Variants in FKTN observed in about 807,000 individuals in gnomAD.
FKTN encodes ribitol-5-phosphate transferase FKTN.
A neutral mutation model predicts 58.6 loss-of-function variants in FKTN; 47 were observed. That is an observed-to-expected ratio of 0.80 (90% CI 0.63 to 1.02). The LOEUF is 1.02. Among genes scored for constraint, FKTN ranks in the 50% least tolerant of loss-of-function variants. The probability of loss-of-function intolerance (pLI) is 0.00; values close to 1 mark genes in which losing one functional copy is unlikely to be tolerated. For missense variants in FKTN, 516 were observed against 537.3 expected (o/e 0.96, Z 0.39); for synonymous variants, 178 against 191.9 (o/e 0.93, Z 0.60).
rs577340909 is a variant in FKTN at position 105,581,770 on chromosome 9, C to T, written c.105+6633C>T. On this transcript the variant is annotated intron_variant, in intron 3 of 10. Transcript: ENST00000357998. ...GGCGGGCGCCCCTCCCCCAGCCTCGCTGCCGCCTTGCAGTTTGATCTCAGA... is the reference window on the plus strand; with the variant it reads ...GGCGGGCGCCCCTCCCCCAGCCTCGTTGCCGCCTTGCAGTTTGATCTCAGA... Among the ~76,000 whole-genome samples the T allele has an allele frequency of 4.3e-3, 649 of 152,246 alleles. 7 individuals are homozygous for T. The highest frequency in any genetic ancestry group is 0.013 in the African/African-American group (540 of 41,574).
intron 4 of FKTN, among the ~76,000 whole-genome samples, chr9:105,597,906 G>A (rs1217211756): frequency 6.6e-6 from 1 of 152,056 alleles, no homozygotes; most frequent in Non-Finnish European, 1.5e-5. Flanking sequence ...TGGATAAAAG[G>A]TTTTCCTTTA....
intron 1 of FKTN, among the ~76,000 whole-genome samples, chr9:105,562,498 T>A (rs1319538992): frequency 1.3e-5 from 2 of 152,198 alleles, no homozygotes; most frequent in Non-Finnish European, 2.9e-5. Context: ...CAATCTTAGG[T>A]TCTGTAGCCA....
intron 10 of FKTN, among the ~76,000 whole-genome samples, chr9:105,622,617 T>C (rs1361028799): frequency 2.0e-5 from 3 of 152,000 alleles, no homozygotes; most frequent in Non-Finnish European, 4.4e-5. Flanking sequence ...GTGAAGTAAC[T>C]TACTCGAGGC....
At position 105,582,050 on chromosome 9, in the gene FKTN, G is replaced by T. The variant is rs541565818; in HGVS notation, c.105+6913G>T. 1.2e-3 allele frequency among the ~76,000 whole-genome samples: 187 copies of T among 152,202 alleles called. 1 individual carries two copies. In the South Asian group the frequency reaches 0.015, roughly 12 times the overall value. ...TCGCGCACGGTGCGCGCACCCACTA[G>T]CCTGCGCCCACTGTCTGGCACTCCC... On this transcript the variant is annotated intron_variant, in intron 3 of 10. Coordinates refer to ENST00000357998, the MANE Select transcript of FKTN (RefSeq NM_001079802.2).
intron 3 of FKTN, among the ~76,000 whole-genome samples, chr9:105,577,672 G>C (rs1435927041): frequency 6.6e-6 from 1 of 151,094 alleles, no homozygotes; most frequent in Non-Finnish European, 1.5e-5. Flanking sequence ...GGTTCCCTAT[G>C]AACTTTAAAG....
At chr9:105,613,834 G>T (rs1214061904) in intron 7 of FKTN, among the ~76,000 whole-genome samples, 1 of 152,150 alleles carries the variant, frequency 6.6e-6, no homozygotes, top group African/African-American at 2.4e-5. Context: ...TATAAATGTT[G>T]AATAGAAACA....
chr9:105,638,938 G>A lies in FKTN; in HGVS notation c.*3674G>A. The A allele has an allele frequency of 1.0e-6, 1 of 985,192 alleles. No homozygotes were observed. The highest frequency in any genetic ancestry group is 1.2e-6 in the Non-Finnish European group (1 of 829,836). The allele number at this position is 985,192 out of a possible 1,614,324, so 61.0% of individuals were successfully genotyped here. On this transcript the variant is annotated 3_prime_UTR_variant, in exon 11 of 11. Transcript: ENST00000357998. Reference sequence around the variant, plus strand: ...AGGAATTTATACATTGGGTACCAGAGCTAAATCTGGAAAACACATTTGGAA... The same window carrying A: ...AGGAATTTATACATTGGGTACCAGAACTAAATCTGGAAAACACATTTGGAA...
chr9:105,614,554 C>T (rs1289977741), intron 7 of FKTN, among the ~76,000 whole-genome samples: 3 of 152,166 alleles, frequency 2.0e-5, no homozygotes, highest in Non-Finnish European at 4.4e-5. Flanking sequence ...TTCTACTATA[C>T]TACACAGTCT....
At chr9:105,608,344 A>G (rs1588138986) in intron 7 of FKTN, among the ~76,000 whole-genome samples, 2 of 152,300 alleles carry the variant, frequency 1.3e-5, no homozygotes, top group South Asian at 4.1e-4. Context: ...AGTTTGTTTC[A>G]GAGTTGGCAT....
At chr9:105,561,537 C>G (rs1394684323) in intron 1 of FKTN, among the ~76,000 whole-genome samples, 1 of 152,196 alleles carries the variant, frequency 6.6e-6, no homozygotes, top group African/African-American at 2.4e-5. Flanking sequence ...GCTAACCTGT[C>G]TTATCTATAT....
In FKTN at chr9:105,619,996, C is replaced by G. The variant is rs905981141; in HGVS notation, c.1107C>G (p.Phe369Leu). The G allele has an allele frequency of 3.1e-6, 5 of 1,612,338 alleles. No homozygotes were observed. The highest frequency in any genetic ancestry group is 4.2e-6 in the Non-Finnish European group (5 of 1,178,970). ...GKDDVKLDVF[F>L]FYEETDHMWN... ...ATGATGTAAAACTTGATGTTTTTTT[C>G]TTCTATGAAGAAACTGATCACATGT... The change falls in exon 10 of 11, where the codon TTC becomes TTG. Residue 369 changes from phenylalanine to leucine, a missense_variant. Physicochemically the swap from Phe to Leu is conservative, Grantham distance 22. Coordinates refer to ENST00000357998, the MANE Select transcript of FKTN (RefSeq NM_001079802.2).
chr9:105,582,944 C>T (rs559345127), intron 3 of FKTN, among the ~76,000 whole-genome samples: 1 of 152,270 alleles, frequency 6.6e-6, no homozygotes, highest in Admixed American at 6.5e-5. Context: ...AGTCTAGAGC[C>T]TCTAAAATTC....
In FKTN at chr9:105,639,940, A is replaced by G. The variant is rs943104789; in HGVS notation, c.*4676A>G. ...TAAATCTTTACCTCCTTGTTAGTGA[A>G]ATTAGATATAAGCCATGATTTGGAG... On this transcript the variant is annotated 3_prime_UTR_variant, in exon 11 of 11. Coordinates refer to ENST00000357998, the MANE Select transcript of FKTN (RefSeq NM_001079802.2). 1 of 1,466,026 alleles carries G rather than the reference A, an allele frequency of 6.8e-7. No homozygotes were observed. The highest frequency in any genetic ancestry group is 9.0e-7 in the Non-Finnish European group (1 of 1,114,464). The allele number at this position is 1,466,026 out of a possible 1,614,324, so 90.8% of individuals were successfully genotyped here.
chr9:105,581,255 G>A (rs941739282), intron 3 of FKTN, among the ~76,000 whole-genome samples: 44 of 148,588 alleles, frequency 3.0e-4, no homozygotes, highest in Non-Finnish European at 5.5e-4. Context: ...GCGTTTTAGA[G>A]TTTCCAGTTT....
intron 3 of FKTN, among the ~76,000 whole-genome samples, chr9:105,582,052 C>G (rs559741225): frequency 1.8e-4 from 28 of 152,270 alleles, no homozygotes; most frequent in African/African-American, 5.3e-4. Flanking sequence ...ACCCACTAGC[C>G]TGCGCCCACT....
At chr9:105,559,844 G>T (rs1232181422) in intron 1 of FKTN, among the ~76,000 whole-genome samples, 1 of 152,128 alleles carries the variant, frequency 6.6e-6, no homozygotes, top group Non-Finnish European at 1.5e-5. Flanking sequence ...TGGTTTCAGG[G>T]AGAGATTGTA....
intron 1 of FKTN, among the ~76,000 whole-genome samples, chr9:105,572,542 CAA>C (rs1339854150): frequency 6.6e-6 from 1 of 152,126 alleles, no homozygotes; most frequent in East Asian, 1.9e-4. Flanking sequence ...GCTGGCAGAG[CAA>C]AGAGTCCTCT....
At chr9:105,562,838 C>G (rs1838541984) in intron 1 of FKTN, among the ~76,000 whole-genome samples, 1 of 152,178 alleles carries the variant, frequency 6.6e-6, no homozygotes, top group African/African-American at 2.4e-5. Flanking sequence ...ATCTATGCCT[C>G]ACTCTTACTC....
intron 10 of FKTN, 98 bp from the exon 11 acceptor site, chr9:105,634,953 G>A (rs763430492): frequency 2.2e-5 from 20 of 928,744 alleles, no homozygotes; most frequent in Non-Finnish European, 3.4e-5. Flanking sequence ...CTGTGTAATG[G>A]GAGAGCACTG....
Sources: gnomAD v4.1 joint callset for allele counts (sites outside exome capture counted in the v4.1 genomes callset) on GRCh38, gnomAD v4.1.1 for gene constraint, MANE v1.5 for transcripts, NCBI Gene and HGNC (gene_info 2026-07-23, HGNC 2026-07-21) for gene names.